The following CACNG8 variants were observed in gnomAD, a reference collection of about 807,000 sequenced individuals.
CACNG8 encodes voltage-dependent calcium channel gamma-8 subunit.
A neutral mutation model predicts 26.9 loss-of-function variants in CACNG8; 5 were observed. The observed-to-expected ratio is 0.19, with a 90% CI of 0.10 to 0.39. CACNG8 has a LOEUF of 0.39. CACNG8 is among the 10% of genes least tolerant of loss of function. The pLI is 1.00. For missense variants in CACNG8, 473 were observed against 609.4 expected (o/e 0.78, Z 2.36); for synonymous variants, 321 against 296.7 (o/e 1.08, Z -0.84).
intron 2 of CACNG8, among the ~76,000 whole-genome samples, chr19:53,979,414 A>T (rs1164906955): frequency 6.6e-6 from 1 of 151,998 alleles, no homozygotes; most frequent in East Asian, 1.9e-4. Flanking sequence ...AGAGAAACCC[A>T]GATAGATGAA....
rs1377204403 is a variant in CACNG8 at position 53,969,977 on chromosome 19, C to T, written c.283+6552C>T. Among the ~76,000 whole-genome samples the T allele has an allele frequency of 3.3e-5, 5 of 151,234 alleles. No homozygotes were observed. In the East Asian group the frequency reaches 9.7e-4, roughly 29 times the overall value. ...CGAAACCCTGTCTCTACTAAATATA[C>T]AAAAATATTAGCCAGGGCTGGTGGC... On this transcript the variant is annotated intron_variant, in intron 1 of 3. Transcript: ENST00000270458.
rs1330256775 is a variant in CACNG8, at chr19:53,982,744, CGCGCCCGCGCCACCCGCGCCCTCT to C, written c.1182_1205del (p.Pro396_Pro403del). 4 of 1,200,422 alleles carry C rather than the reference CGCGCCCGCGCCACCCGCGCCCTCT, an allele frequency of 3.3e-6. No homozygotes were observed. The highest frequency in any genetic ancestry group is 4.1e-6 in the Non-Finnish European group (4 of 973,112). 74.4% of individuals were successfully genotyped at this position (1,200,422 alleles called of 1,614,324 possible). On this transcript the variant is annotated inframe_deletion, in exon 4 of 4. Coordinates refer to ENST00000270458, the MANE Select transcript of CACNG8 (RefSeq NM_031895.6). The surrounding 1 kb of genome is among the most constrained non-coding windows in gnomAD (Gnocchi z 8.4). ...CGGTCACCGGGCCGCCCGCCCCGCC[CGCGCCCGCGCCACCCGCGCCCTCT>C]GCGCCCGCCCCCGGGACCCTGGCCA... is the stretch of plus-strand genomic sequence containing the variant.
Position 53,982,587 on chromosome 19 carries a change from CGGCCGGGGG to C in CACNG8, c.1017_1025del (p.Ala343_Gly345del). On this transcript the variant is annotated inframe_deletion, in exon 4 of 4. Transcript: ENST00000270458. The surrounding 1 kb of genome is among the most constrained non-coding windows in gnomAD (Gnocchi z 8.4). ...GGCGCCGTGGGGGCGTTCGGCGGCG[CGGCCGGGGG>C]CGCCGGGGGCGGCGGCGGAGGCGGC... 1.0e-6 allele frequency: 1 copy of C among 974,002 alleles called. No homozygotes were observed. The highest frequency in any genetic ancestry group is 1.2e-6 in the Non-Finnish European group (1 of 822,622). 60.3% of individuals were successfully genotyped at this position (974,002 alleles called of 1,614,324 possible).
At chr19:53,974,487 T>C (rs1222015458) in intron 1 of CACNG8, among the ~76,000 whole-genome samples, 5 of 152,222 alleles carry the variant, frequency 3.3e-5, no homozygotes, top group African/African-American at 1.2e-4. Context: ...CTGGCATTGC[T>C]GGATCATATG....
intron 1 of CACNG8, among the ~76,000 whole-genome samples, chr19:53,968,124 C>T (rs2069281566): frequency 6.6e-6 from 1 of 152,042 alleles, no homozygotes; most frequent in South Asian, 2.1e-4. Context: ...CCTATAATCC[C>T]AGCACTTTGG....
intron 1 of CACNG8, among the ~76,000 whole-genome samples, chr19:53,963,646 C>G (rs1302038491): frequency 6.6e-6 from 1 of 152,030 alleles, no homozygotes; most frequent in Non-Finnish European, 1.5e-5. Flanking sequence ...CGGCATGCTC[C>G]CTCTGCAGCC....
In CACNG8 at chr19:53,982,321, C is replaced by G; in HGVS notation, c.750C>G (p.Gly250=). The G allele has an allele frequency of 6.3e-7, 1 of 1,586,092 alleles. No homozygotes were observed. The stretch of plus-strand genomic sequence containing the variant: ...TGCTCAAGGCCGGCGGGGGCGCGGG[C>G]GGCAGTGGCGGGAGCGGCCCCTCGG... The change falls in exon 4 of 4, where the codon GGC becomes GGG. Residue 250 remains glycine, a synonymous_variant. Coordinates refer to ENST00000270458, the MANE Select transcript of CACNG8 (RefSeq NM_031895.6). This position sits in a 1 kb window ranked among gnomAD's most constrained non-coding sequence, Gnocchi z 8.4.
intron 1 of CACNG8, among the ~76,000 whole-genome samples, chr19:53,972,642 G>A (rs1271881333): frequency 2.0e-5 from 3 of 152,078 alleles, no homozygotes; most frequent in Non-Finnish European, 2.9e-5. Context: ...GATTACAGGC[G>A]TGAGCCACCG....
chr19:53,970,685 C>A (rs143606280), intron 1 of CACNG8, among the ~76,000 whole-genome samples: 2,586 of 152,086 alleles, frequency 0.017, 72 homozygotes, highest in African/African-American at 0.057. Context: ...GTAATCCCAG[C>A]ATTTTGGGAG....
chr19:53,977,003 G>T (rs911987610), intron 1 of CACNG8, among the ~76,000 whole-genome samples: 1 of 152,138 alleles, frequency 6.6e-6, no homozygotes, highest in African/African-American at 2.4e-5. Flanking sequence ...TCTCCCGTGT[G>T]CCAGGCCTAC....
chr19:53,971,705 C>T (rs998098770), intron 1 of CACNG8, among the ~76,000 whole-genome samples: 4 of 152,180 alleles, frequency 2.6e-5, no homozygotes, highest in African/African-American at 4.8e-5. Flanking sequence ...ATTAAGCCCT[C>T]GCCACTTTGC....
intron 1 of CACNG8, among the ~76,000 whole-genome samples, chr19:53,973,335 A>T (rs948435547): frequency 6.6e-6 from 1 of 152,058 alleles, no homozygotes; most frequent in Non-Finnish European, 1.5e-5. Flanking sequence ...CAGCCTGGCT[A>T]ACATGGTGAA....
At chr19:53,980,358 C>A (rs922723347) in intron 3 of CACNG8, among the ~76,000 whole-genome samples, 1 of 151,918 alleles carries the variant, frequency 6.6e-6, no homozygotes, top group Non-Finnish European at 1.5e-5. Flanking sequence ...CCTTGAGACA[C>A]AATTGGGCTC....
intron 1 of CACNG8, among the ~76,000 whole-genome samples, chr19:53,970,837 TAGA>T (rs1477412628): frequency 1.4e-5 from 2 of 144,778 alleles, no homozygotes; most frequent in Admixed American, 1.4e-4. Flanking sequence ...GAGGCTGAGG[TAGA>T]AGGATTGCTT....
At chr19:53,968,807 A>G (rs924259469) in intron 1 of CACNG8, among the ~76,000 whole-genome samples, 2 of 148,082 alleles carry the variant, frequency 1.4e-5, no homozygotes, top group Non-Finnish European at 3.0e-5. Context: ...GGAGGTGAGA[A>G]GTCACCAAAG....
At position 53,986,474 on chromosome 19, in the gene CACNG8, C is replaced by T. The variant is rs1467700732; in HGVS notation, c.*3625C>T. Reference sequence around the variant, plus strand: ...AAGCTGAAGGCCGGGCGCAGTGGCTCATGCCTGTAATCCCAGCACTTTGGG... The same window carrying T: ...AAGCTGAAGGCCGGGCGCAGTGGCTTATGCCTGTAATCCCAGCACTTTGGG... On this transcript the variant is annotated 3_prime_UTR_variant, in exon 4 of 4. Coordinates refer to ENST00000270458, the MANE Select transcript of CACNG8 (RefSeq NM_031895.6). 6.6e-6 allele frequency: 1 copy of T among 152,188 alleles called. No homozygotes were observed. The highest frequency in any genetic ancestry group is 6.5e-5 in the Admixed American group (1 of 15,268). The allele number at this position is 152,188 out of a possible 1,614,324, so 9.4% of individuals were successfully genotyped here. A position where few individuals can be genotyped will look rare whatever the true frequency, so the allele number is the denominator to read the frequency against.
chr19:53,965,581 C>G (rs1219630095), intron 1 of CACNG8, among the ~76,000 whole-genome samples: 2 of 152,144 alleles, frequency 1.3e-5, no homozygotes, highest in African/African-American at 4.8e-5. Flanking sequence ...TTCGTTCATT[C>G]AACGTCCCAT....
chr19:53,966,423 T>C (rs1223933409), intron 1 of CACNG8, among the ~76,000 whole-genome samples: 3 of 152,092 alleles, frequency 2.0e-5, no homozygotes, highest in Admixed American at 2.0e-4. Flanking sequence ...TTTTTCTTTT[T>C]TTGTTTTTAG....
chr19:53,980,070 G>GTC, intron 3 of CACNG8, 63 bp downstream of exon 3: 1 of 1,427,452 alleles, frequency 7.0e-7, no homozygotes, highest in South Asian at 1.4e-5. Flanking sequence ...GTGTGTGTGT[G>GTC]TGTGTGTGTG....
Sources: gnomAD v4.1 joint callset for allele counts (sites outside exome capture counted in the v4.1 genomes callset) on GRCh38, gnomAD v4.1.1 for gene constraint, Gnocchi (gnomAD v3.1) non-coding constraint, MANE v1.5 for transcripts, NCBI Gene and HGNC (gene_info 2026-07-23, HGNC 2026-07-21) for gene names.